The following SMS variants were observed in gnomAD, a reference collection of about 807,000 sequenced individuals.
SMS encodes spermine synthase, also known as spermidine aminopropyltransferase.
SMS carries 3 observed loss-of-function variants against 33.0 expected under a neutral mutation model. That is an observed-to-expected ratio of 0.09 (90% CI 0.04 to 0.23). The LOEUF (loss-of-function observed/expected upper bound fraction) is 0.23. Among genes scored for constraint, SMS ranks in the 10% least tolerant of loss-of-function variants. SMS has a pLI of 1.00. For synonymous variants in SMS, 103 were observed against 112.2 expected (o/e 0.92, Z 0.52); for missense variants, 117 against 288.6 (o/e 0.41, Z 4.31).
At chrX:21,944,544 A>AAAAAAAAAAAAAAAAAAAAAG (rs1555992699) in intron 1 of SMS, among the ~76,000 whole-genome samples, 14 of 99,041 alleles carry the variant, frequency 1.4e-4, no homozygotes, top group East Asian at 6.7e-4. Context: ...AAAAAAAAAA[A>AAAAAAAAAAAAAAAAAAAAAG]AGAAAAAAAA....
In SMS at chrX:21,976,970, C is replaced by T; in HGVS notation, c.330-91C>T. On this transcript the variant is annotated intron_variant, in intron 4 of 10. Transcript: ENST00000404933. ...TTTGTGCTTGTCAAAAGTCGGCAGT[C>T]ATGTGGCTTTCTTTTGCACACTCTT... 4 of 888,439 alleles carry T rather than the reference C, an allele frequency of 4.5e-6. No homozygotes were observed. The South Asian group carries it at 6.0e-5, about 13-fold the overall frequency. The allele number at this position is 888,439 out of a possible 1,213,427, so 73.2% of individuals were successfully genotyped here. A position where few individuals can be genotyped will look rare whatever the true frequency, so the allele number is the denominator to read the frequency against.
At chrX:21,959,641 T>A (rs935874197) in intron 1 of SMS, among the ~76,000 whole-genome samples, 3 of 112,914 alleles carry the variant, frequency 2.7e-5, no homozygotes, top group African/African-American at 9.6e-5. Context: ...CTGAACGTGG[T>A]TTTAAAGCAG....
At chrX:21,958,686 T>C (rs753747406) in intron 1 of SMS, among the ~76,000 whole-genome samples, 1 of 112,321 alleles carries the variant, frequency 8.9e-6, no homozygotes, top group Non-Finnish European at 1.9e-5. Context: ...TTTTCTGTTT[T>C]GTTTTTTGAG....
chrX:21,966,962 C>T (rs1923766086), intron 1 of SMS, among the ~76,000 whole-genome samples: 1 of 111,257 alleles, frequency 9.0e-6, no homozygotes, highest in South Asian at 3.7e-4. Context: ...ATCTGGTGGT[C>T]TGCGTTGCCT....
chrX:21,966,369 A>C (rs777345738), intron 1 of SMS, among the ~76,000 whole-genome samples: 34 of 112,405 alleles, frequency 3.0e-4, no homozygotes, highest in South Asian at 1.1e-3. Context: ...TGCTTTGTAG[A>C]TAGAACTAGA....
intron 1 of SMS, among the ~76,000 whole-genome samples, chrX:21,955,063 T>A (rs1168165747): frequency 1.8e-5 from 2 of 111,548 alleles, no homozygotes; most frequent in African/African-American, 3.3e-5. Context: ...CTTGAACTCC[T>A]GACCTCAAAT....
At chrX:21,950,674 C>T (rs1350204689) in intron 1 of SMS, among the ~76,000 whole-genome samples, 1 of 109,041 alleles carries the variant, frequency 9.2e-6, no homozygotes, top group East Asian at 2.9e-4. Flanking sequence ...TGGGCTCCCA[C>T]TTATGAGTGA....
At chrX:21,993,849 TC>T (rs1460076064) in intron 10 of SMS, among the ~76,000 whole-genome samples, 1 of 109,389 alleles carries the variant, frequency 9.1e-6, no homozygotes, top group East Asian at 2.9e-4. Flanking sequence ...AGTTCTTCTC[TC>T]TCCCTCCTTC....
At chrX:21,949,428 T>C (rs1181897100) in intron 1 of SMS, among the ~76,000 whole-genome samples, 1 of 112,098 alleles carries the variant, frequency 8.9e-6, no homozygotes, top group Admixed American at 9.5e-5. Flanking sequence ...TTTAACTTAC[T>C]TGAAGGGTAA....
At chrX:21,994,038 TGA>T (rs899407979) in intron 10 of SMS, among the ~76,000 whole-genome samples, 1 of 109,396 alleles carries the variant, frequency 9.1e-6, no homozygotes, top group African/African-American at 3.3e-5. Flanking sequence ...CTAAAACTTG[TGA>T]GACTTTGGAA....
chrX:21,991,325 A>C (rs1000988465), intron 9 of SMS, among the ~76,000 whole-genome samples: 1 of 110,746 alleles, frequency 9.0e-6, no homozygotes, highest in Non-Finnish European at 1.9e-5. Flanking sequence ...TTACAGGCGC[A>C]TGCCACCACG....
chrX:21,976,968 G>A lies in SMS; in HGVS notation c.330-93G>A, dbSNP rs1261398342. ...GTTTTGTGCTTGTCAAAAGTCGGCA[G>A]TCATGTGGCTTTCTTTTGCACACTC... is the stretch of plus-strand genomic sequence containing the variant. On this transcript the variant is annotated intron_variant, in intron 4 of 10. Transcript: ENST00000404933. The A allele has an allele frequency of 5.7e-6, 5 of 875,026 alleles. No homozygotes were observed. The African/African-American group carries it at 9.8e-5, about 17-fold the overall frequency. The allele number at this position is 875,026 out of a possible 1,213,427, so 72.1% of individuals were successfully genotyped here.
intron 10 of SMS, among the ~76,000 whole-genome samples, chrX:21,994,032 A>G (rs1925932882): frequency 9.2e-6 from 1 of 108,327 alleles, no homozygotes; most frequent in African/African-American, 3.4e-5. Context: ...AATTCCCTAA[A>G]ACTTGTGAGA....
intron 1 of SMS, among the ~76,000 whole-genome samples, chrX:21,946,148 G>GT (rs1218556844): frequency 5.3e-5 from 6 of 112,270 alleles, no homozygotes; most frequent in African/African-American, 1.9e-4. Context: ...AAGTCTGTGT[G>GT]TTTTTTTCCA....
chrX:21,957,485 C>T (rs946804057), intron 1 of SMS, among the ~76,000 whole-genome samples: 5 of 110,778 alleles, frequency 4.5e-5, no homozygotes, highest in African/African-American at 9.9e-5. Context: ...TTAGTAGGGA[C>T]GGGGTTTCAC....
At chrX:21,965,084 T>G (rs926573539) in intron 1 of SMS, among the ~76,000 whole-genome samples, 11 of 111,627 alleles carry the variant, frequency 9.9e-5, no homozygotes, top group African/African-American at 3.6e-4. Context: ...CTTTTCTCCC[T>G]GTATCTTCTC....
intron 2 of SMS, among the ~76,000 whole-genome samples, chrX:21,968,617 A>G (rs140145785): frequency 0.016 from 1,840 of 112,079 alleles, 42 homozygotes; most frequent in African/African-American, 0.056. Flanking sequence ...ATGACTGATG[A>G]TCAGCTACCG....
intron 2 of SMS, among the ~76,000 whole-genome samples, chrX:21,968,000 A>T (rs1923864746): frequency 8.9e-6 from 1 of 112,640 alleles, no homozygotes; most frequent in African/African-American, 3.2e-5. Flanking sequence ...GCTGGGGTCC[A>T]GATGGATGGG....
intron 1 of SMS, among the ~76,000 whole-genome samples, chrX:21,961,607 C>CT (rs201724194): frequency 0.014 from 1,565 of 110,341 alleles, 37 homozygotes; most frequent in African/African-American, 0.049. Context: ...GGCCTTGATT[C>CT]TTTTTTTTCC....
Sources: allele counts gnomAD v4.1 joint callset (sites outside exome capture counted in the v4.1 genomes callset), GRCh38; gene constraint gnomAD v4.1.1; transcripts MANE v1.5; gene names NCBI Gene and HGNC (gene_info 2026-07-23, HGNC 2026-07-21).